SGCD: variants seen among roughly 807,000 people sequenced by gnomAD.
The protein encoded by SGCD is delta-sarcoglycan.
Under a neutral mutation model 36.6 loss-of-function variants are expected in SGCD, and 18 were observed. That is an observed-to-expected ratio of 0.49 (90% confidence interval 0.34 to 0.73). SGCD has a LOEUF of 0.73. Among genes scored for constraint, SGCD ranks in the 30% least tolerant of loss-of-function variants. The pLI, the probability that SGCD is intolerant of heterozygous loss-of-function variation, is 0.01. For synonymous variants in SGCD, 133 were observed against 130.6 expected (o/e 1.02, Z -0.12); for missense variants, 387 against 346.7 (o/e 1.12, Z -0.92).
rs111743715 is a variant in SGCD, at chr5:155,998,556, G to A, written c.-281-119322G>A. Among the ~76,000 whole-genome samples the A allele has an allele frequency of 5.3e-5, 8 of 152,036 alleles. 1 individual carries two copies. Among genetic ancestry groups the A allele is most frequent in the African/African-American group, 1.9e-4 (8 of 41,446 alleles). On this transcript the variant is annotated intron_variant, in intron 1 of 9. Transcript: ENST00000517913. ...CATTGATGGCATTGCCACAAACTGTGGTCCATTTATGTCATTATCCATGGG... is the reference window on the plus strand; with the variant it reads ...CATTGATGGCATTGCCACAAACTGTAGTCCATTTATGTCATTATCCATGGG...
At chr5:156,311,106 A>G (rs950024701) in intron 3 of SGCD, among the ~76,000 whole-genome samples, 1 of 152,232 alleles carries the variant, frequency 6.6e-6, no homozygotes, top group Non-Finnish European at 1.5e-5. Context: ...GAAATTCAAG[A>G]TGAAAAAAAT....
intron 3 of SGCD, among the ~76,000 whole-genome samples, chr5:156,175,220 G>A (rs1372830927): frequency 6.6e-6 from 1 of 152,114 alleles, no homozygotes; most frequent in Non-Finnish European, 1.5e-5. Context: ...GAATTGCTAA[G>A]TATTAATTAG....
intron 3 of SGCD, among the ~76,000 whole-genome samples, chr5:156,404,592 T>G (rs1304335756): frequency 6.6e-6 from 1 of 152,228 alleles, no homozygotes; most frequent in East Asian, 1.9e-4. Flanking sequence ...TCACTCCTCA[T>G]GTCATACAGA....
intron 1 of SGCD, among the ~76,000 whole-genome samples, chr5:155,933,353 G>C (rs1340871099): frequency 6.6e-6 from 1 of 151,932 alleles, no homozygotes; most frequent in Non-Finnish European, 1.5e-5. Flanking sequence ...TTCTTGCTTT[G>C]TACTTATCAG....
chr5:156,076,989 T>G (rs968962689), intron 1 of SGCD, among the ~76,000 whole-genome samples: 4 of 152,208 alleles, frequency 2.6e-5, no homozygotes, highest in Non-Finnish European at 5.9e-5. Flanking sequence ...TGCTTTTAAG[T>G]CTCTGTATGG....
At chr5:156,610,379 T>TTGC (rs1265982074) in intron 6 of SGCD, among the ~76,000 whole-genome samples, 1 of 152,176 alleles carries the variant, frequency 6.6e-6, no homozygotes, top group Non-Finnish European at 1.5e-5. Flanking sequence ...ACAGCAAGTG[T>TTGC]TGCTGCCTGA....
At chr5:156,189,265 C>A (rs1292032178) in intron 3 of SGCD, among the ~76,000 whole-genome samples, 1 of 152,074 alleles carries the variant, frequency 6.6e-6, no homozygotes, top group Non-Finnish European at 1.5e-5. Context: ...GGCTGAAAAC[C>A]TCTGGGGGTT....
intron 7 of SGCD, among the ~76,000 whole-genome samples, chr5:156,692,909 G>A (rs1055252902): frequency 6.6e-6 from 1 of 152,004 alleles, no homozygotes; most frequent in Non-Finnish European, 1.5e-5. Flanking sequence ...AAATCCTCAG[G>A]CTCAGCTTGC....
At chr5:156,512,153 C>A (rs952173270) in intron 4 of SGCD, among the ~76,000 whole-genome samples, 2 of 140,706 alleles carry the variant, frequency 1.4e-5, no homozygotes, top group Admixed American at 1.6e-4. Flanking sequence ...GAGATCGTGC[C>A]ACTGCACTCT....
intron 1 of SGCD, among the ~76,000 whole-genome samples, chr5:156,006,411 T>A (rs866922803): frequency 5.9e-5 from 9 of 152,352 alleles, no homozygotes; most frequent in Middle Eastern, 3.4e-3. Context: ...AACAGGGCGA[T>A]AGCTATTGCA....
chr5:155,925,154 C>A (rs1253322636), intron 1 of SGCD, among the ~76,000 whole-genome samples: 1 of 152,122 alleles, frequency 6.6e-6, no homozygotes, highest in African/African-American at 2.4e-5. Context: ...ATAATAAATA[C>A]CTAGATATAT....
chr5:156,163,142 T>C lies in SGCD; in HGVS notation c.-44+39123T>C, dbSNP rs145855733. Among the ~76,000 whole-genome samples the C allele has an allele frequency of 4.0e-3, 605 of 151,810 alleles. 29 individuals are homozygous for C. The highest frequency in any genetic ancestry group is 0.014 in the African/African-American group (570 of 41,082). On this transcript the variant is annotated intron_variant, in intron 3 of 9. Coordinates refer to the SGCD transcript ENST00000517913. Reference sequence around the variant, plus strand: ...TTTTCTCCTTTCTCTCATTGATCCATGATAAACTTTCTTCCATTTGGAAAA... The same window carrying C: ...TTTTCTCCTTTCTCTCATTGATCCACGATAAACTTTCTTCCATTTGGAAAA...
At chr5:156,223,598 C>T (rs112282889) in intron 3 of SGCD, among the ~76,000 whole-genome samples, 1 of 152,052 alleles carries the variant, frequency 6.6e-6, no homozygotes, top group East Asian at 1.9e-4. Context: ...GAGGTAGGTC[C>T]ATGGGAAATA....
chr5:156,525,818 C>T (rs144977756), intron 4 of SGCD, among the ~76,000 whole-genome samples: 338 of 152,134 alleles, frequency 2.2e-3, no homozygotes, highest in African/African-American at 8.0e-3. Context: ...GTTTTCTCAG[C>T]ACCATTTATT....
intron 7 of SGCD, among the ~76,000 whole-genome samples, chr5:156,749,386 C>A (rs1040573134): frequency 1.1e-4 from 16 of 151,956 alleles, no homozygotes; most frequent in Admixed American, 3.3e-4. Flanking sequence ...GAACTTGAAA[C>A]AACTGGAGAA....
At chr5:156,624,655 A>C (rs895950663) in intron 6 of SGCD, among the ~76,000 whole-genome samples, 1 of 152,220 alleles carries the variant, frequency 6.6e-6, no homozygotes, top group African/African-American at 2.4e-5. Context: ...GAAGTTTACA[A>C]ATTTAGTCCT....
At chr5:156,218,132 G>T (rs1764621377) in intron 3 of SGCD, among the ~76,000 whole-genome samples, 1 of 151,974 alleles carries the variant, frequency 6.6e-6, no homozygotes, top group Admixed American at 6.6e-5. Flanking sequence ...AAATTAGTCG[G>T]GCATGGTGGC....
chr5:156,055,696 C>T (rs1199685516), intron 1 of SGCD, among the ~76,000 whole-genome samples: 2 of 146,320 alleles, frequency 1.4e-5, no homozygotes, highest in Non-Finnish European at 1.5e-5. Flanking sequence ...TAGATTTAAA[C>T]TAGCTGGATG....
At chr5:155,959,913 A>G (rs1251691497) in intron 1 of SGCD, among the ~76,000 whole-genome samples, 3 of 152,124 alleles carry the variant, frequency 2.0e-5, no homozygotes, top group African/African-American at 7.2e-5. Context: ...AGTCGATTTC[A>G]GAAGGCTTTC....
Sources: allele counts gnomAD v4.1 joint callset (sites outside exome capture counted in the v4.1 genomes callset), GRCh38; gene constraint gnomAD v4.1.1; transcripts MANE v1.5; gene names NCBI Gene and HGNC (gene_info 2026-07-23, HGNC 2026-07-21).